Variants in DYNC1LI1 observed in about 807,000 individuals in gnomAD.
DYNC1LI1 encodes dynein cytoplasmic 1 light intermediate chain 1, also known as cytoplasmic dynein 1 light intermediate chain 1.
A neutral mutation model predicts 63.8 loss-of-function variants in DYNC1LI1; 19 were observed. The ratio of observed to expected loss-of-function variants is 0.30; its 90% CI spans 0.21 to 0.44. The LOEUF is 0.44. DYNC1LI1 is among the 20% of genes least tolerant of loss of function. DYNC1LI1 has a pLI of 1.00. For synonymous variants in DYNC1LI1, 225 were observed against 232.3 expected, an observed-to-expected ratio of 0.97 and a Z score of 0.28; for missense variants, 565 against 630.2, an observed-to-expected ratio of 0.90 and a Z score of 1.11.
chr3:32,562,184 G>T (rs1698203231), intron 2 of DYNC1LI1, among the ~76,000 whole-genome samples: 1 of 152,048 alleles, frequency 6.6e-6, no homozygotes, highest in African/African-American at 2.4e-5. Context: ...AATCACTTGA[G>T]CCCAGGAATT....
intron 2 of DYNC1LI1, among the ~76,000 whole-genome samples, chr3:32,561,241 G>C (rs1698189658): frequency 6.6e-6 from 1 of 151,414 alleles, no homozygotes; most frequent in Admixed American, 6.6e-5. Context: ...ACATTAAGAT[G>C]CAAATTTTTA....
intron 2 of DYNC1LI1, among the ~76,000 whole-genome samples, chr3:32,560,078 T>C (rs1698168894): frequency 1.3e-5 from 2 of 152,230 alleles, no homozygotes; most frequent in Admixed American, 6.5e-5. Flanking sequence ...TGCCTATTCA[T>C]GACTACATCC....
At position 32,546,870 on chromosome 3, in the gene DYNC1LI1, T is replaced by G. The variant is rs75988852; in HGVS notation, c.221-905A>C. ...GGGGGGATGTACAACAGACAAAAAT[T>G]AAAAATAGACTTAAAAGTATTAATG... On this transcript the variant is annotated intron_variant, in intron 2 of 12. Transcript: ENST00000273130. Among the ~76,000 whole-genome samples the G allele has an allele frequency of 6.5e-3, 988 of 152,128 alleles. 8 individuals are homozygous for G. Among genetic ancestry groups the G allele is most frequent in the African/African-American group, 0.023 (939 of 41,502 alleles).
At chr3:32,532,487 G>GTATATATATATATATATATATATATATA (rs140866478) in intron 8 of DYNC1LI1, 17 of 125,346 alleles carry the variant, frequency 1.4e-4, no homozygotes, top group South Asian at 1.1e-3. Flanking sequence ...AAAAATGTGT[G>GTATATATATATATATATATATATATATA]TATATATATA....
rs189671205 is a variant in DYNC1LI1 at position 32,555,894 on chromosome 3, C to T, written c.221-9929G>A. Among the ~76,000 whole-genome samples, 550 of 152,242 alleles carry T rather than the reference C, an allele frequency of 3.6e-3. 3 individuals are homozygous for T. The highest frequency in any genetic ancestry group is 0.011 in the South Asian group (53 of 4,822). ...GGTAGAATCTAGGTTGAGATATATG[C>T]GTATTAACTGTAAAATCCCTTCAAC... On this transcript the variant is annotated intron_variant, in intron 2 of 12. Transcript: ENST00000273130.
Position 32,541,104 on chromosome 3 carries a change from A to C in DYNC1LI1, c.671T>G (p.Val224Gly). ...ASQEDKDDSV[V>G]LPLGADTLTH... ...AAGTGTATCCGCACCCAGAGGTAAA[A>C]CTACACTGTCATCTTTGTCTTCTTG... Residue 224 changes from valine to glycine, a missense_variant, in exon 5 of 13, where the codon GTT becomes GGT. Coordinates refer to ENST00000273130, the MANE Select transcript of DYNC1LI1 (RefSeq NM_016141.4). The C allele has an allele frequency of 1.2e-6, 2 of 1,613,740 alleles. No homozygotes were observed. Among genetic ancestry groups the C allele is most frequent in the Non-Finnish European group, 1.7e-6 (2 of 1,179,788 alleles).
At chr3:32,548,303 G>A (rs1007253199) in intron 2 of DYNC1LI1, among the ~76,000 whole-genome samples, 7 of 152,078 alleles carry the variant, frequency 4.6e-5, no homozygotes, top group African/African-American at 9.7e-5. Flanking sequence ...TGTGAACTGC[G>A]CACGCCTGGG....
At chr3:32,528,709 A>T in intron 11 of DYNC1LI1, 108 bp from the exon 12 acceptor site, 1 of 1,106,620 alleles carries the variant, frequency 9.0e-7, no homozygotes, top group Non-Finnish European at 1.2e-6. Context: ...AAATTTTAAG[A>T]GTTTTATATT....
rs1189766513 is a variant in DYNC1LI1 at position 32,525,987 on chromosome 3, G to T, written c.*812C>A. The T allele has an allele frequency of 6.6e-6, 1 of 152,160 alleles. No homozygotes were observed. Among genetic ancestry groups the T allele is most frequent in the Non-Finnish European group, 1.5e-5 (1 of 68,002 alleles). 9.4% of individuals were successfully genotyped at this position (152,160 alleles called of 1,614,324 possible). A position where few individuals can be genotyped will look rare whatever the true frequency, so the allele number is the denominator to read the frequency against. On this transcript the variant is annotated 3_prime_UTR_variant, in exon 13 of 13. Transcript: ENST00000273130. Reference sequence around the variant, plus strand: ...TGCAACAAGTTATTTGAACCTGAATGCAGAGAATAAATACTTTATTAACTG... The same window carrying T: ...TGCAACAAGTTATTTGAACCTGAATTCAGAGAATAAATACTTTATTAACTG...
At chr3:32,528,730 G>A (rs1477977253) in intron 11 of DYNC1LI1, 129 bp from the exon 12 acceptor site, 2 of 881,112 alleles carry the variant, frequency 2.3e-6, no homozygotes, top group Non-Finnish European at 3.3e-6. Flanking sequence ...CCAAATTCAA[G>A]TCTAGTTTGA....
At chr3:32,555,201 T>C (rs1698096472) in intron 2 of DYNC1LI1, among the ~76,000 whole-genome samples, 1 of 152,234 alleles carries the variant, frequency 6.6e-6, no homozygotes, top group Non-Finnish European at 1.5e-5. Context: ...TCATATTTTA[T>C]AAACATCTTA....
chr3:32,537,320 G>A (rs1402423148), intron 5 of DYNC1LI1: 4 of 275,630 alleles, frequency 1.5e-5, no homozygotes, highest in Non-Finnish European at 2.7e-5. Context: ...TAACTTCAAC[G>A]TTAATGTTAA....
chr3:32,564,329 A>G (rs1003440827), intron 2 of DYNC1LI1, among the ~76,000 whole-genome samples: 2 of 152,154 alleles, frequency 1.3e-5, no homozygotes, highest in Non-Finnish European at 2.9e-5. Flanking sequence ...AAACAAACAA[A>G]CAAGCAAACA....
intron 2 of DYNC1LI1, among the ~76,000 whole-genome samples, chr3:32,557,786 T>C (rs921804229): frequency 1.3e-5 from 2 of 152,156 alleles, no homozygotes; most frequent in Non-Finnish European, 2.9e-5. Context: ...TTCAGTTCCT[T>C]GGCCTTCAGC....
chr3:32,532,508 A>ATATATATATATATATATATAT (rs1559434368), intron 8 of DYNC1LI1: 9 of 124,982 alleles, frequency 7.2e-5, no homozygotes, highest in South Asian at 5.4e-4. Context: ...TATATATATA[A>ATATATATATATATATATATAT]AATTGAAAGT....
intron 8 of DYNC1LI1, chr3:32,532,749 C>T (rs1190601987): frequency 7.3e-6 from 4 of 545,706 alleles, no homozygotes; most frequent in South Asian, 7.6e-5. Flanking sequence ...TCTGCACTAA[C>T]AATTGCTAAT....
chr3:32,556,677 G>A (rs1211976620), intron 2 of DYNC1LI1, among the ~76,000 whole-genome samples: 2 of 152,064 alleles, frequency 1.3e-5, no homozygotes, highest in African/African-American at 4.8e-5. Flanking sequence ...AAGTAATCGG[G>A]ACTACAGGGG....
At chr3:32,570,212 G>C (rs1445295527) in intron 2 of DYNC1LI1, 134 bp downstream of exon 2, 1 of 788,530 alleles carries the variant, frequency 1.3e-6, no homozygotes, top group Non-Finnish European at 2.2e-6. Context: ...AGCCATCCGC[G>C]ACAGGTCGGG....
intron 7 of DYNC1LI1, 58 bp from the exon 8 acceptor site, chr3:32,533,155 A>G: frequency 6.7e-7 from 1 of 1,499,852 alleles, no homozygotes; most frequent in Non-Finnish European, 8.8e-7. Flanking sequence ...TCTTTCATTC[A>G]GTCCAAGATC....
Sources: allele counts gnomAD v4.1 joint callset (sites outside exome capture counted in the v4.1 genomes callset), GRCh38; gene constraint gnomAD v4.1.1; transcripts MANE v1.5; gene names NCBI Gene and HGNC (gene_info 2026-07-23, HGNC 2026-07-21).